UBTD1: variants seen among roughly 807,000 people sequenced by gnomAD.
UBTD1 encodes the protein ubiquitin domain containing 1, also known as ubiquitin domain-containing protein 1.
A neutral mutation model predicts 21.7 loss-of-function variants in UBTD1; 19 were observed. The ratio of observed to expected loss-of-function variants is 0.87; its 90% CI spans 0.61 to 1.28. UBTD1 has a LOEUF of 1.28. UBTD1 is among the 50% of genes most tolerant of loss of function. UBTD1 has a pLI of 0.00. For missense variants in UBTD1, 282 were observed against 315.1 expected (o/e 0.89, Z 0.80); for synonymous variants, 116 against 135.1 (o/e 0.86, Z 0.98).
At chr10:97,564,721 G>A (rs577241158) in intron 1 of UBTD1, among the ~76,000 whole-genome samples, 1 of 152,054 alleles carries the variant, frequency 6.6e-6, no homozygotes, top group African/African-American at 2.4e-5. Context: ...CTGCTGCCAC[G>A]CCCAGCTAAT....
intron 1 of UBTD1, among the ~76,000 whole-genome samples, chr10:97,523,151 C>G (rs1564737296): frequency 6.6e-6 from 1 of 152,202 alleles, no homozygotes; most frequent in East Asian, 1.9e-4. Flanking sequence ...GAGCCTTAAC[C>G]AGATGCTCTG....
chr10:97,559,557 T>C (rs1690972963), intron 1 of UBTD1, among the ~76,000 whole-genome samples: 1 of 152,218 alleles, frequency 6.6e-6, no homozygotes, highest in Non-Finnish European at 1.5e-5. Context: ...TCTTGTATGA[T>C]TTTTATACCA....
chr10:97,562,798 A>G (rs557485114), intron 1 of UBTD1, among the ~76,000 whole-genome samples: 5 of 152,256 alleles, frequency 3.3e-5, no homozygotes, highest in Middle Eastern at 3.4e-3. Flanking sequence ...GGATGTATAT[A>G]TGTAGGTCAC....
At chr10:97,540,623 T>A (rs1033057460) in intron 1 of UBTD1, among the ~76,000 whole-genome samples, 1 of 152,250 alleles carries the variant, frequency 6.6e-6, no homozygotes, top group Non-Finnish European at 1.5e-5. Flanking sequence ...ATACGGAAAC[T>A]GAGGTTCTCA....
In UBTD1 at chr10:97,539,244, A is replaced by C. The variant is rs565164479; in HGVS notation, c.71-28670A>C. ...GGGAACAACAACCCCAACCCTGAAC[A>C]GCTCCACTTTACCGGCCTCAGATAG... On this transcript the variant is annotated intron_variant, in intron 1 of 2. Transcript: ENST00000370664. Among the ~76,000 whole-genome samples, 6 of 152,346 alleles carry C rather than the reference A, an allele frequency of 3.9e-5. No individual in the cohort carries two copies. In the South Asian group the frequency reaches 8.3e-4, roughly 21 times the overall value.
chr10:97,522,571 C>T (rs2040470926), intron 1 of UBTD1, among the ~76,000 whole-genome samples: 1 of 152,044 alleles, frequency 6.6e-6, no homozygotes, highest in Non-Finnish European at 1.5e-5. Flanking sequence ...AATTTGTGGC[C>T]AGGCAGGAAA....
chr10:97,518,234 G>A (rs143469668), intron 1 of UBTD1, among the ~76,000 whole-genome samples: 1 of 152,278 alleles, frequency 6.6e-6, no homozygotes, highest in East Asian at 1.9e-4. Flanking sequence ...GAAGCAGATG[G>A]GGGTTGAGGC....
At chr10:97,568,770 C>T (rs2040730833) in intron 2 of UBTD1, among the ~76,000 whole-genome samples, 1 of 152,172 alleles carries the variant, frequency 6.6e-6, no homozygotes. Context: ...TCATAGCAGT[C>T]TTATGGGGCC....
intron 1 of UBTD1, among the ~76,000 whole-genome samples, chr10:97,505,332 C>A (rs2040393826): frequency 6.6e-6 from 1 of 152,080 alleles, no homozygotes; most frequent in Non-Finnish European, 1.5e-5. Flanking sequence ...TGCATGTGCT[C>A]CTTTAAGTTG....
chr10:97,553,704 G>T (rs1357166159), intron 1 of UBTD1, among the ~76,000 whole-genome samples: 1 of 152,138 alleles, frequency 6.6e-6, no homozygotes, highest in Non-Finnish European at 1.5e-5. Context: ...TGGCTCTGAG[G>T]TGCAGTGATG....
intron 1 of UBTD1, 78 bp downstream of exon 1, chr10:97,499,351 A>C: frequency 6.8e-7 from 1 of 1,460,070 alleles, no homozygotes; most frequent in African/African-American, 1.4e-5. Context: ...GGGCTTACCG[A>C]TGGACTCCCC....
chr10:97,528,421 G>A (rs2040504346), intron 1 of UBTD1, among the ~76,000 whole-genome samples: 1 of 85,128 alleles, frequency 1.2e-5, no homozygotes. Flanking sequence ...CCTCCCTCCC[G>A]GACGGGGCGG....
At chr10:97,503,870 A>G (rs1291856468) in intron 1 of UBTD1, among the ~76,000 whole-genome samples, 1 of 152,138 alleles carries the variant, frequency 6.6e-6, no homozygotes, top group Non-Finnish European at 1.5e-5. Context: ...TCCCACATTT[A>G]TAATTTCAGC....
chr10:97,536,141 C>T (rs1415145480), intron 1 of UBTD1, among the ~76,000 whole-genome samples: 1 of 151,864 alleles, frequency 6.6e-6, no homozygotes, highest in African/African-American at 2.4e-5. Context: ...TACAGGCTCC[C>T]GCCACCAAGC....
Position 97,534,971 on chromosome 10 carries a change from C to T in UBTD1, c.71-32943C>T, listed in dbSNP as rs143343559. 9.2e-5 allele frequency among the ~76,000 whole-genome samples: 14 copies of T among 152,330 alleles called. No individual in the cohort carries two copies. The East Asian group carries it at 2.1e-3, about 23-fold the overall frequency. ...AAAGCCCTCATTGGCCAGGAGGGGG[C>T]GGCCTTTCTCCCTGCCACCCCCTTG... On this transcript the variant is annotated intron_variant, in intron 1 of 2. Coordinates refer to ENST00000370664, the MANE Select transcript of UBTD1 (RefSeq NM_024954.5).
chr10:97,570,447 G>A lies in UBTD1; in HGVS notation c.608G>A (p.Arg203Gln), dbSNP rs771939668. Residue 203 changes from arginine to glutamine, a missense_variant, in exon 3 of 3, where the codon CGG becomes CAG. Arg to Gln is a conservative substitution (Grantham distance 43, BLOSUM62 1). Transcript: ENST00000370664. The surrounding 1 kb of genome is among the most constrained non-coding windows in gnomAD (Gnocchi z 6.6). ...FSGKLLTDRT[R>Q]LQETKIQKDF... ...GGGAAGCTGCTCACAGACCGCACACGGCTCCAGGAGACCAAGATCCAGAAA... is the reference window on the plus strand; with the variant it reads ...GGGAAGCTGCTCACAGACCGCACACAGCTCCAGGAGACCAAGATCCAGAAA... 6.0e-5 allele frequency: 97 copies of A among 1,612,926 alleles called. No individual in the cohort carries two copies. The highest frequency in any genetic ancestry group is 7.5e-5 in the Non-Finnish European group (89 of 1,179,836).
At chr10:97,537,874 G>T (rs1024180681) in intron 1 of UBTD1, among the ~76,000 whole-genome samples, 2 of 144,522 alleles carry the variant, frequency 1.4e-5, no homozygotes, top group African/African-American at 2.6e-5. Context: ...CATCCAGGCT[G>T]GAATGAAGTG....
intron 1 of UBTD1, among the ~76,000 whole-genome samples, chr10:97,566,392 A>G (rs1195442219): frequency 6.6e-6 from 1 of 151,522 alleles, no homozygotes; most frequent in Non-Finnish European, 1.5e-5. Context: ...TCCTTCTGCC[A>G]CCTCACCACC....
intron 1 of UBTD1, among the ~76,000 whole-genome samples, chr10:97,565,021 A>G (rs1373087356): frequency 1.3e-5 from 2 of 152,136 alleles, no homozygotes; most frequent in Non-Finnish European, 2.9e-5. Context: ...ACACAAACCA[A>G]TGTATATCTC....
Sources: allele counts gnomAD v4.1 joint callset (sites outside exome capture counted in the v4.1 genomes callset), GRCh38; gene constraint gnomAD v4.1.1; non-coding constraint Gnocchi (gnomAD v3.1); transcripts MANE v1.5; gene names NCBI Gene and HGNC (gene_info 2026-07-23, HGNC 2026-07-21).